The following ADCY2 variants were observed in gnomAD, a reference collection of about 807,000 sequenced individuals.
ADCY2 encodes adenylate cyclase type 2.
A neutral mutation model predicts 125.2 loss-of-function variants in ADCY2; 31 were observed. The ratio of observed to expected loss-of-function variants is 0.25; its 90% CI spans 0.19 to 0.33. The LOEUF (loss-of-function observed/expected upper bound fraction) is 0.33. ADCY2 is among the 10% of genes least tolerant of loss of function. ADCY2 has a pLI of 1.00. For synonymous variants in ADCY2, 512 were observed against 548.4 expected (o/e 0.93, Z 0.93); for missense variants, 904 against 1,418.2 (o/e 0.64, Z 5.82).
intron 4 of ADCY2, 41 bp downstream of exon 4, chr5:7,626,357 T>G (rs758193048): frequency 6.2e-7 from 1 of 1,600,100 alleles, no homozygotes; most frequent in Non-Finnish European, 8.5e-7. Flanking sequence ...ATTTTAGTCA[T>G]TATTAAAATG....
chr5:7,666,910 G>A (rs1225313636), intron 4 of ADCY2, among the ~76,000 whole-genome samples: 1 of 152,136 alleles, frequency 6.6e-6, no homozygotes, highest in Non-Finnish European at 1.5e-5. Context: ...CAAGGTAGCT[G>A]GTTAATTACT....
At chr5:7,488,932 C>T (rs1281283174) in intron 2 of ADCY2, among the ~76,000 whole-genome samples, 2 of 152,174 alleles carry the variant, frequency 1.3e-5, no homozygotes, top group South Asian at 2.1e-4. Context: ...GAATGAGCCT[C>T]CCCTGAAGAA....
chr5:7,678,816 G>A lies in ADCY2; in HGVS notation c.721-11875G>A, dbSNP rs79182372. Among the ~76,000 whole-genome samples the A allele has an allele frequency of 4.5e-4, 69 of 152,328 alleles. 1 individual carries two copies. In the East Asian group the frequency reaches 0.013, roughly 29 times the overall value. On this transcript the variant is annotated intron_variant, in intron 4 of 24. Coordinates refer to ENST00000338316, the MANE Select transcript of ADCY2 (RefSeq NM_020546.3). Reference sequence around the variant, plus strand: ...CCCATTGTCCACTTAAAGAGTGACAGAGCTGAGGCCAGAATGTTCTCCTGG... The same window carrying A: ...CCCATTGTCCACTTAAAGAGTGACAAAGCTGAGGCCAGAATGTTCTCCTGG...
intron 7 of ADCY2, among the ~76,000 whole-genome samples, chr5:7,702,229 T>C (rs538814302): frequency 0.03 from 4,485 of 150,100 alleles, 98 homozygotes; most frequent in Middle Eastern, 0.062. Flanking sequence ...CTGTTTCTTT[T>C]TTTTTTTTTT....
intron 23 of ADCY2, among the ~76,000 whole-genome samples, chr5:7,819,545 T>C (rs1012321795): frequency 6.6e-6 from 1 of 152,166 alleles, no homozygotes; most frequent in African/African-American, 2.4e-5. Context: ...ACCCTGATTG[T>C]CCAATAACTG....
intron 2 of ADCY2, among the ~76,000 whole-genome samples, chr5:7,487,605 A>G (rs1742989125): frequency 6.6e-6 from 1 of 152,140 alleles, no homozygotes; most frequent in Non-Finnish European, 1.5e-5. Flanking sequence ...GATCTTCTTC[A>G]TGTACTCAGC....
At chr5:7,534,967 C>T (rs1734768687) in intron 3 of ADCY2, among the ~76,000 whole-genome samples, 1 of 152,212 alleles carries the variant, frequency 6.6e-6, no homozygotes, top group African/African-American at 2.4e-5. Flanking sequence ...TCCCACCTCT[C>T]CTTCTGTTGC....
chr5:7,813,156 C>A (rs575819851), intron 22 of ADCY2, among the ~76,000 whole-genome samples: 1 of 152,158 alleles, frequency 6.6e-6, no homozygotes, highest in Non-Finnish European at 1.5e-5. Flanking sequence ...CCTAGAAGCC[C>A]GTCAGGAGAA....
chr5:7,427,316 G>A (rs1245274121), intron 2 of ADCY2, among the ~76,000 whole-genome samples: 2 of 152,186 alleles, frequency 1.3e-5, no homozygotes, highest in East Asian at 1.9e-4. Flanking sequence ...CTCAGGACTG[G>A]GTAATTTATA....
At chr5:7,603,784 C>CTTTTTTTTTTTTTT in intron 3 of ADCY2, among the ~76,000 whole-genome samples, 103 of 62,786 alleles carry the variant, frequency 1.6e-3, no homozygotes, top group South Asian at 3.0e-3. Context: ...TGCTCTCTTT[C>CTTTTTTTTTTTTTT]TTTTTTTTTT....
At chr5:7,616,605 A>G (rs1307314055) in intron 3 of ADCY2, among the ~76,000 whole-genome samples, 3 of 152,256 alleles carry the variant, frequency 2.0e-5, no homozygotes, top group Admixed American at 1.3e-4. Context: ...ACATTAAACC[A>G]TCATGGGTAG....
intron 3 of ADCY2, among the ~76,000 whole-genome samples, chr5:7,614,710 G>C (rs535602730): frequency 2.0e-5 from 3 of 152,298 alleles, no homozygotes; most frequent in African/African-American, 7.2e-5. Flanking sequence ...CAAGTGGGAG[G>C]CATGGCCAGG....
At chr5:7,415,416 C>T (rs1327684347) in intron 2 of ADCY2, among the ~76,000 whole-genome samples, 1 of 152,168 alleles carries the variant, frequency 6.6e-6, no homozygotes. Flanking sequence ...CAATTCTGTC[C>T]GTAGCCTTGT....
chr5:7,825,509 C>CCCTTGTTGCA (rs1745448470), intron 24 of ADCY2, among the ~76,000 whole-genome samples: 2 of 152,352 alleles, frequency 1.3e-5, no homozygotes, highest in African/African-American at 4.8e-5. Flanking sequence ...CTCACAGGTG[C>CCCTTGTTGCA]CCTTGTTGCA....
intron 2 of ADCY2, among the ~76,000 whole-genome samples, chr5:7,426,629 A>G (rs1341447127): frequency 6.6e-6 from 1 of 152,242 alleles, no homozygotes; most frequent in African/African-American, 2.4e-5. Flanking sequence ...ATAAACATGT[A>G]AACCATGGCA....
Position 7,707,846 on chromosome 5 carries a change from T to A in ADCY2, c.1401+8T>A, listed in dbSNP as rs1191390585. 24 of 1,613,762 alleles carry A rather than the reference T, an allele frequency of 1.5e-5. No individual in the cohort carries two copies. The highest frequency in any genetic ancestry group is 1.9e-5 in the Non-Finnish European group (23 of 1,179,922). ...TTTGTGATCAACCCCAAGGTCAGTA[T>A]CATTGTAAAGAGTCTATGATGAAAA... On this transcript the variant is annotated splice_region_variant and intron_variant, in intron 9 of 24. Coordinates refer to ENST00000338316, the MANE Select transcript of ADCY2 (RefSeq NM_020546.3).
chr5:7,722,816 C>T (rs948353598), intron 12 of ADCY2, among the ~76,000 whole-genome samples: 2 of 151,678 alleles, frequency 1.3e-5, no homozygotes, highest in African/African-American at 2.4e-5. Context: ...AAAAATTAAC[C>T]GGGCATGCTG....
intron 15 of ADCY2, 95 bp downstream of exon 15, chr5:7,743,847 C>A: frequency 2.6e-6 from 3 of 1,168,070 alleles, no homozygotes; most frequent in Non-Finnish European, 3.8e-6. Context: ...GAGCTTATTG[C>A]TTTACCACTT....
At chr5:7,546,471 C>T (rs1735151186) in intron 3 of ADCY2, among the ~76,000 whole-genome samples, 1 of 152,128 alleles carries the variant, frequency 6.6e-6, no homozygotes, top group Non-Finnish European at 1.5e-5. Context: ...GCGACTGGCC[C>T]AGGGCACACA....
Sources: gnomAD v4.1 joint callset for allele counts (sites outside exome capture counted in the v4.1 genomes callset) on GRCh38, gnomAD v4.1.1 for gene constraint, MANE v1.5 for transcripts, NCBI Gene and HGNC (gene_info 2026-07-23, HGNC 2026-07-21) for gene names.